The following LARGE1 variants were observed in gnomAD, a reference collection of about 807,000 sequenced individuals.
LARGE1 encodes the protein LARGE xylosyl- and glucuronyltransferase 1.
LARGE1 carries 43 observed loss-of-function variants against 87.6 expected under a neutral mutation model. That is an observed-to-expected ratio of 0.49 (90% CI 0.38 to 0.63). LARGE1 has a LOEUF of 0.63. Ranked by LOEUF, LARGE1 falls within the 30% of genes least tolerant of loss-of-function variation. The probability of loss-of-function intolerance (pLI) is 0.00; values close to 1 mark genes in which losing one functional copy is unlikely to be tolerated. For missense variants in LARGE1, 802 were observed against 1,000.2 expected (o/e 0.80, Z 2.67); for synonymous variants, 434 against 394.6 (o/e 1.10, Z -1.18).
At chr22:33,716,672 T>C (rs531587707) in intron 2 of LARGE1, among the ~76,000 whole-genome samples, 1 of 152,318 alleles carries the variant, frequency 6.6e-6, no homozygotes, top group South Asian at 2.1e-4. Context: ...AGCGCTGGGA[T>C]TACAGGCATG....
chr22:33,216,603 A>G (rs1038035791), intron 11 of LARGE1, among the ~76,000 whole-genome samples: 4 of 151,842 alleles, frequency 2.6e-5, no homozygotes, highest in South Asian at 2.1e-4. Context: ...ATCTCAAAAA[A>G]AAAAAAAAAG....
chr22:33,436,742 G>C (rs1157613143), intron 6 of LARGE1: 1 of 152,612 alleles, frequency 6.6e-6, no homozygotes, highest in Non-Finnish European at 1.5e-5. Context: ...CCAGGAGCCA[G>C]CATGCCAACA....
intron 5 of LARGE1, among the ~76,000 whole-genome samples, chr22:33,586,675 T>C (rs908356790): frequency 6.6e-6 from 1 of 152,110 alleles, no homozygotes; most frequent in Non-Finnish European, 1.5e-5. Flanking sequence ...GCCAGGATGG[T>C]CTCGATCTCC....
intron 5 of LARGE1, among the ~76,000 whole-genome samples, chr22:33,595,631 GAGA>G (rs1173829335): frequency 6.6e-6 from 1 of 152,238 alleles, no homozygotes; most frequent in East Asian, 1.9e-4. Flanking sequence ...AGTGATTACT[GAGA>G]AGAAGAGAGG....
chr22:33,788,157 A>T (rs1253710854), intron 1 of LARGE1, among the ~76,000 whole-genome samples: 1 of 152,160 alleles, frequency 6.6e-6, no homozygotes, highest in Non-Finnish European at 1.5e-5. Flanking sequence ...GGTGGAGATA[A>T]GTGAATCATG....
chr22:33,359,750 G>A (rs1034698389), intron 9 of LARGE1, among the ~76,000 whole-genome samples: 1 of 148,468 alleles, frequency 6.7e-6, no homozygotes, highest in Non-Finnish European at 1.5e-5. Flanking sequence ...ATTTTTAGTA[G>A]AGATGGGGTT....
chr22:33,861,622 T>C (rs1851444417), intron 1 of LARGE1: 1 of 152,216 alleles, frequency 6.6e-6, no homozygotes, highest in Admixed American at 6.5e-5. Context: ...GACTGTCAAA[T>C]CTGGAGAACT....
intron 6 of LARGE1, among the ~76,000 whole-genome samples, chr22:33,509,151 T>A (rs1329579767): frequency 1.3e-5 from 2 of 152,054 alleles, no homozygotes; most frequent in Non-Finnish European, 2.9e-5. Flanking sequence ...TTATAATCAC[T>A]GAGGGCCCCA....
Position 33,664,925 on chromosome 22 carries a change from G to A in LARGE1, c.107-14257C>T, listed in dbSNP as rs572674455. On this transcript the variant is annotated intron_variant, in intron 2 of 14. Coordinates refer to ENST00000397394, the MANE Select transcript of LARGE1 (RefSeq NM_133642.5). ...ATCAGACCACATGTCTATCCTGTTC[G>A]AACCCAGGGCTTTGAACCTGCCTTC... Among the ~76,000 whole-genome samples the A allele has an allele frequency of 9.9e-5, 15 of 152,148 alleles. No homozygotes were observed. The East Asian group carries it at 2.5e-3, about 25-fold the overall frequency.
intron 3 of LARGE1, among the ~76,000 whole-genome samples, chr22:33,635,425 C>T (rs1443423132): frequency 2.0e-5 from 3 of 152,214 alleles, no homozygotes; most frequent in Admixed American, 2.0e-4. Context: ...TCTTCAACCT[C>T]TCAGACACGG....
At chr22:33,746,281 G>A (rs1257547789) in intron 2 of LARGE1, 1 of 152,244 alleles carries the variant, frequency 6.6e-6, no homozygotes. Context: ...TCATAGGACA[G>A]TTCTGAGGAA....
chr22:33,389,560 A>G (rs118154132), intron 7 of LARGE1, among the ~76,000 whole-genome samples: 1,733 of 152,322 alleles, frequency 0.011, 16 homozygotes, highest in Non-Finnish European at 0.017. Flanking sequence ...GAAAAGCCAA[A>G]CTAGCTGGGT....
the LARGE1 span, among the ~76,000 whole-genome samples, chr22:33,114,591 T>A: frequency 6.6e-6 from 1 of 152,242 alleles, no homozygotes; most frequent in Non-Finnish European, 1.5e-5. Context: ...TTGTTGATAG[T>A]TTCTTGTGTA....
In LARGE1 at chr22:33,920,071, G is replaced by C. The variant is rs987346044; in HGVS notation, c.-159C>G. The C allele has an allele frequency of 6.6e-6, 1 of 152,348 alleles. No individual in the cohort carries two copies. The highest frequency in any genetic ancestry group is 2.4e-5 in the African/African-American group (1 of 41,432). 9.4% of individuals were successfully genotyped at this position (152,348 alleles called of 1,614,324 possible). ...GCGGCGGCGCCGCCGCCTACGAGGC[G>C]CAGGGGGTCCGGGTCAGGGTCCCGG... On this transcript the variant is annotated 5_prime_UTR_variant, in exon 1 of 15. Transcript: ENST00000397394.
intron 12 of LARGE1, among the ~76,000 whole-genome samples, chr22:33,290,371 G>C (rs78186670): frequency 1.3e-5 from 2 of 152,152 alleles, no homozygotes; most frequent in South Asian, 2.1e-4. Flanking sequence ...CAGGCTGCTC[G>C]GGTCTGCATC....
At chr22:33,523,922 T>C (rs2148522654) in intron 6 of LARGE1, among the ~76,000 whole-genome samples, 1 of 152,278 alleles carries the variant, frequency 6.6e-6, no homozygotes, top group East Asian at 1.9e-4. Context: ...TCGTATGTGT[T>C]CAAGAAACCA....
At chr22:33,625,256 C>T (rs2079884582) in intron 4 of LARGE1, among the ~76,000 whole-genome samples, 4 of 152,176 alleles carry the variant, frequency 2.6e-5, no homozygotes, top group Admixed American at 2.6e-4. Context: ...TGGCTGGAAC[C>T]ATGAACACCA....
intron 2 of LARGE1, among the ~76,000 whole-genome samples, chr22:33,712,935 C>T (rs984525655): frequency 6.6e-6 from 1 of 152,092 alleles, no homozygotes; most frequent in Admixed American, 6.5e-5. Context: ...GTGAGGACGA[C>T]AGCTACACTT....
intron 2 of LARGE1, among the ~76,000 whole-genome samples, chr22:33,670,557 A>G (rs1387100274): frequency 1.3e-5 from 2 of 152,144 alleles, no homozygotes; most frequent in Non-Finnish European, 2.9e-5. Flanking sequence ...TAAAACTTCT[A>G]GAGAAGTGCA....
Sources: allele counts gnomAD v4.1 joint callset (sites outside exome capture counted in the v4.1 genomes callset), GRCh38; gene constraint gnomAD v4.1.1; transcripts MANE v1.5; gene names NCBI Gene and HGNC (gene_info 2026-07-23, HGNC 2026-07-21).